The following LSP1 variants were observed in gnomAD, a reference collection of about 807,000 sequenced individuals.
LSP1 encodes the protein lymphocyte-specific protein 1.
In LSP1, 32 loss-of-function variants were observed where a neutral mutation model predicts 49.3. The observed-to-expected ratio is 0.65, with a 90% CI of 0.49 to 0.87. The LOEUF (loss-of-function observed/expected upper bound fraction) is 0.87. LSP1 is among the 40% of genes least tolerant of loss of function. The probability of loss-of-function intolerance (pLI) is 0.00; values close to 1 mark genes in which losing one functional copy is unlikely to be tolerated. For missense variants in LSP1, 428 were observed against 442.6 expected, an observed-to-expected ratio of 0.97 and a Z score of 0.30; for synonymous variants, 179 against 178.8, an observed-to-expected ratio of 1.00 and a Z score of -0.01.
intron 1 of LSP1, among the ~76,000 whole-genome samples, chr11:1,876,120 G>A (rs1411442797): frequency 1.3e-5 from 2 of 152,236 alleles, no homozygotes; most frequent in African/African-American, 2.4e-5. Flanking sequence ...TATCATGAAC[G>A]CTGTGGTGGG....
At chr11:1,876,989 C>A (rs1029934239) in intron 1 of LSP1, among the ~76,000 whole-genome samples, 2 of 152,160 alleles carry the variant, frequency 1.3e-5, no homozygotes, top group African/African-American at 4.8e-5. Flanking sequence ...CCTTGGGCTT[C>A]GGAGCCAGAA....
chr11:1,881,765 A>C (rs2133117143), intron 3 of LSP1, among the ~76,000 whole-genome samples, 169 bp downstream of exon 3: 1 of 152,036 alleles, frequency 6.6e-6, no homozygotes, highest in Admixed American at 6.5e-5. Flanking sequence ...CTGAGCAGCC[A>C]CCCCATCCTC....
At chr11:1,860,301 A>C (rs1320756753) in intron 1 of LSP1, among the ~76,000 whole-genome samples, 1 of 151,830 alleles carries the variant, frequency 6.6e-6, no homozygotes, top group African/African-American at 2.4e-5. Flanking sequence ...TGAATGATGG[A>C]TGGATGGGTG....
chr11:1,860,335 G>A (rs1847596978), intron 1 of LSP1, among the ~76,000 whole-genome samples: 1 of 152,014 alleles, frequency 6.6e-6, no homozygotes, highest in African/African-American at 2.4e-5. Context: ...ATGAGTGGAT[G>A]GATAGGTGCA....
chr11:1,870,352 G>A, intron 1 of LSP1: 1 of 1,272,008 alleles, frequency 7.9e-7, no homozygotes, highest in Non-Finnish European at 1.0e-6. Flanking sequence ...CATACACCGG[G>A]GAGTCTCCTG....
chr11:1,857,056 C>A (rs1405373264), intron 1 of LSP1, among the ~76,000 whole-genome samples: 4 of 152,208 alleles, frequency 2.6e-5, no homozygotes, highest in Non-Finnish European at 4.4e-5. Flanking sequence ...AGGTCCCCTT[C>A]CTCCTGCCCT....
In LSP1 at chr11:1,883,917, T is replaced by G. The variant is rs745813070; in HGVS notation, c.499-15T>G. On this transcript the variant is annotated splice_polypyrimidine_tract_variant and intron_variant, in intron 4 of 10. Transcript: ENST00000311604. ...AGCAGGGGGTCACTTGGGATGTCTG[T>G]TTTTTTTTTTCTAGCACCAGAAATG... 2.3e-5 allele frequency: 22 copies of G among 960,154 alleles called. No individual in the cohort carries two copies. The highest frequency in any genetic ancestry group is 5.6e-5 in the South Asian group (2 of 35,564). 59.5% of individuals were successfully genotyped at this position (960,154 alleles called of 1,614,324 possible).
chr11:1,863,965 G>A (rs1349865730), intron 1 of LSP1, among the ~76,000 whole-genome samples: 1 of 151,986 alleles, frequency 6.6e-6, no homozygotes, highest in Non-Finnish European at 1.5e-5. Context: ...GAGGGTTCTT[G>A]GGGTGCCAAG....
chr11:1,879,281 G>C (rs576933958), intron 1 of LSP1, among the ~76,000 whole-genome samples: 2 of 152,170 alleles, frequency 1.3e-5, no homozygotes, highest in Non-Finnish European at 2.9e-5. Context: ...GGAGGCGGAG[G>C]TTGTGGTGAG....
chr11:1,867,807 G>A (rs1311245429), intron 1 of LSP1, among the ~76,000 whole-genome samples: 2 of 152,122 alleles, frequency 1.3e-5, no homozygotes, highest in Admixed American at 6.5e-5. Flanking sequence ...GTGGGAAAAC[G>A]TGTCCCCCCT....
chr11:1,860,931 A>T (rs1847613599), intron 1 of LSP1, among the ~76,000 whole-genome samples: 1 of 152,156 alleles, frequency 6.6e-6, no homozygotes, highest in South Asian at 2.1e-4. Flanking sequence ...AGAAGTAGAC[A>T]TATGGATGGA....
chr11:1,870,441 G>A, intron 1 of LSP1: 1 of 1,206,004 alleles, frequency 8.3e-7, no homozygotes, highest in Non-Finnish European at 1.1e-6. Flanking sequence ...TGATGAGTCT[G>A]GGAGGGGCTG....
At chr11:1,888,816 T>A in intron 10 of LSP1, 1 of 269,466 alleles carries the variant, frequency 3.7e-6, no homozygotes, top group Non-Finnish European at 7.0e-6. Context: ...CTGGGCTAGG[T>A]CAGTAGATGC....
Position 1,884,483 on chromosome 11 carries a change from C to G in LSP1, c.636-17C>G, listed in dbSNP as rs1848674880. 2 of 1,610,842 alleles carry G rather than the reference C, an allele frequency of 1.2e-6. No individual in the cohort carries two copies. Among genetic ancestry groups the G allele is most frequent in the East Asian group, 4.5e-5 (2 of 44,876 alleles). The stretch of plus-strand genomic sequence containing the variant: ...CTTGTGGGAGACATGGGGCCTGACA[C>G]ATCTTCTACCCTCCAGTAACAGTGT... On this transcript the variant is annotated splice_polypyrimidine_tract_variant and intron_variant, in intron 6 of 10. Coordinates refer to ENST00000311604, the MANE Select transcript of LSP1 (RefSeq NM_002339.3). This position sits in a 1 kb window ranked among gnomAD's most constrained non-coding sequence, Gnocchi z 4.1.
At chr11:1,885,038 A>T (rs1410494678) in intron 7 of LSP1, among the ~76,000 whole-genome samples, 1 of 151,872 alleles carries the variant, frequency 6.6e-6, no homozygotes, top group Non-Finnish European at 1.5e-5. Flanking sequence ...TTATCCAACC[A>T]GTACTCCTTA....
chr11:1,862,744 T>G (rs1473419974), intron 1 of LSP1, among the ~76,000 whole-genome samples: 1 of 151,862 alleles, frequency 6.6e-6, no homozygotes, highest in African/African-American at 2.4e-5. Flanking sequence ...CTGGGTGACC[T>G]TACCTCCCCT....
At chr11:1,867,888 C>T (rs890772245) in intron 1 of LSP1, among the ~76,000 whole-genome samples, 3 of 145,192 alleles carry the variant, frequency 2.1e-5, no homozygotes, top group African/African-American at 7.5e-5. Context: ...AGGGGCTCTG[C>T]ATGTAGTCCC....
rs1337901241 is a variant in LSP1, at chr11:1,853,118, A to C, written c.-27A>C. On this transcript the variant is annotated 5_prime_UTR_variant, in exon 1 of 11. Coordinates refer to ENST00000311604, the MANE Select transcript of LSP1 (RefSeq NM_002339.3). ...ACACCCACTCCAGGGATCTGCCAGC[A>C]CCCTGTGGGGCCCAGACTACAGGCT... The C allele has an allele frequency of 6.2e-7, 1 of 1,603,588 alleles. No homozygotes were observed. Among genetic ancestry groups the C allele is most frequent in the African/African-American group, 1.3e-5 (1 of 74,852 alleles).
rs1448961397 is a variant in LSP1 at position 1,887,243 on chromosome 11, G to A, written c.859G>A (p.Val287Met). 4 of 1,578,564 alleles carry A rather than the reference G, an allele frequency of 2.5e-6. No homozygotes were observed. The African/African-American group carries it at 4.1e-5, about 16-fold the overall frequency. The change falls in exon 9 of 11, where the codon GTG (valine) becomes ATG (methionine). Residue 287 changes from valine to methionine, a missense_variant. Transcript: ENST00000311604. ...AAKTPSCKDI[V>M]AGDMSKKSLW... ...ACCCTTCTGCTGCCCCCAGGATATT[G>A]TGGCTGGAGACATGAGCAAGAAAAG... is the stretch of plus-strand genomic sequence containing the variant.
Sources: allele counts gnomAD v4.1 joint callset (sites outside exome capture counted in the v4.1 genomes callset), GRCh38; gene constraint gnomAD v4.1.1; non-coding constraint Gnocchi (gnomAD v3.1); transcripts MANE v1.5; gene names NCBI Gene and HGNC (gene_info 2026-07-23, HGNC 2026-07-21).